Variants in INTU observed in about 807,000 individuals in gnomAD.
INTU encodes protein inturned.
A neutral mutation model predicts 100.5 loss-of-function variants in INTU; 68 were observed. The ratio of observed to expected loss-of-function variants is 0.68; its 90% confidence interval spans 0.56 to 0.83. The LOEUF is 0.83. INTU is among the 40% of genes least tolerant of loss of function. The pLI is 0.00. For missense variants in INTU, 1,071 were observed against 1,114.7 expected (o/e 0.96, Z 0.56); for synonymous variants, 357 against 395.7 (o/e 0.90, Z 1.16).
chr4:127,658,792 A>G (rs1728348799), intron 3 of INTU, among the ~76,000 whole-genome samples: 1 of 152,182 alleles, frequency 6.6e-6, no homozygotes, highest in Non-Finnish European at 1.5e-5. Context: ...AGTTCCATCC[A>G]CAATTAATCC....
intron 6 of INTU, among the ~76,000 whole-genome samples, chr4:127,682,157 G>A (rs1729595778): frequency 6.6e-6 from 1 of 152,110 alleles, no homozygotes; most frequent in Non-Finnish European, 1.5e-5. Flanking sequence ...CTGTTGGTGG[G>A]ACTGTAAACT....
chr4:127,707,022 C>T, intron 12 of INTU, 53 bp downstream of exon 12: 1 of 1,534,880 alleles, frequency 6.5e-7, no homozygotes, highest in Non-Finnish European at 8.7e-7. Flanking sequence ...TCTCTCCAGT[C>T]CTTGTTTTAT....
chr4:127,676,732 T>G (rs1234575536), intron 6 of INTU, among the ~76,000 whole-genome samples: 1 of 151,266 alleles, frequency 6.6e-6, no homozygotes, highest in African/African-American at 2.4e-5. Flanking sequence ...CACTAGGGAG[T>G]GCCAGACAGT....
intron 3 of INTU, among the ~76,000 whole-genome samples, chr4:127,660,730 A>G (rs868033301): frequency 2.4e-4 from 36 of 152,324 alleles, no homozygotes; most frequent in Middle Eastern, 3.4e-3. Context: ...AGGCTGGGCA[A>G]ACCGCACAAA....
At position 127,721,084 on chromosome 4, in the gene INTU, A is replaced by G. The variant is rs970185598; in HGVS notation, c.*4648A>G. ...TAGTGTTACTGATCTGTGTATTTCAATGTGTTTTTTGTAGCGGCTGGTAAC... is the reference window on the plus strand; with the variant it reads ...TAGTGTTACTGATCTGTGTATTTCAGTGTGTTTTTTGTAGCGGCTGGTAAC... On this transcript the variant is annotated 3_prime_UTR_variant, in exon 16 of 16. Transcript: ENST00000335251. The G allele has an allele frequency of 6.6e-6, 1 of 151,824 alleles. No individual in the cohort carries two copies. The highest frequency in any genetic ancestry group is 1.5e-5 in the Non-Finnish European group (1 of 67,978). 9.4% of individuals were successfully genotyped at this position (151,824 alleles called of 1,614,324 possible).
intron 6 of INTU, among the ~76,000 whole-genome samples, chr4:127,680,788 A>G (rs1729498301): frequency 6.6e-6 from 1 of 150,712 alleles, no homozygotes; most frequent in Non-Finnish European, 1.5e-5. Context: ...AGGGTATTCA[A>G]TTAGGAAAAG....
intron 6 of INTU, among the ~76,000 whole-genome samples, chr4:127,680,083 A>G (rs1729453183): frequency 6.6e-6 from 1 of 152,214 alleles, no homozygotes; most frequent in South Asian, 2.1e-4. Flanking sequence ...ATAGAACAAT[A>G]ACAGAATCTG....
rs188279963 is a variant in INTU, at chr4:127,700,247, T to C, written c.1503+184T>C. Among the ~76,000 whole-genome samples the C allele has an allele frequency of 9.7e-3, 1,484 of 152,290 alleles. 15 individuals carry two copies. The highest frequency in any genetic ancestry group is 0.038 in the South Asian group (182 of 4,826). On this transcript the variant is annotated intron_variant, in intron 9 of 15. Coordinates refer to ENST00000335251, the MANE Select transcript of INTU (RefSeq NM_015693.4). The stretch of plus-strand genomic sequence containing the variant: ...TTTTCTACTGAGTTTAAACAGTTGT[T>C]ACATAATGTATATTATGGGATTAAA...
rs1295931472 is a variant in INTU at position 127,721,883 on chromosome 4, T to G, written c.*5447T>G. On this transcript the variant is annotated 3_prime_UTR_variant, in exon 16 of 16. Coordinates refer to ENST00000335251, the MANE Select transcript of INTU (RefSeq NM_015693.4). Reference sequence around the variant, plus strand: ...CTCCTATAATGTTTTATTATGGTTCTTAGCTTCTTTGCAGTGAGTTAGAAC... The same window carrying G: ...CTCCTATAATGTTTTATTATGGTTCGTAGCTTCTTTGCAGTGAGTTAGAAC... 1 of 152,228 alleles carries G rather than the reference T, an allele frequency of 6.6e-6. No homozygotes were observed. The highest frequency in any genetic ancestry group is 1.5e-5 in the Non-Finnish European group (1 of 68,038). 9.4% of individuals were successfully genotyped at this position (152,228 alleles called of 1,614,324 possible). A position where few individuals can be genotyped will look rare whatever the true frequency, so the allele number is the denominator to read the frequency against.
intron 3 of INTU, among the ~76,000 whole-genome samples, chr4:127,659,491 A>G (rs1728378110): frequency 6.6e-6 from 1 of 152,208 alleles, no homozygotes; most frequent in Admixed American, 6.5e-5. Context: ...TTTCTAAAAT[A>G]AAATGTTGAT....
intron 8 of INTU, among the ~76,000 whole-genome samples, chr4:127,695,584 A>T (rs189059915): frequency 1.3e-5 from 2 of 152,314 alleles, no homozygotes; most frequent in Admixed American, 1.3e-4. Flanking sequence ...TAATATAGAA[A>T]ATTGTAATAT....
intron 6 of INTU, among the ~76,000 whole-genome samples, chr4:127,679,814 A>C (rs1301893385): frequency 6.6e-6 from 1 of 152,052 alleles, no homozygotes; most frequent in African/African-American, 2.4e-5. Context: ...TGAATCCAGG[A>C]GCTGGTTTTT....
At chr4:127,691,092 A>T (rs1417438798) in intron 8 of INTU, among the ~76,000 whole-genome samples, 1 of 152,122 alleles carries the variant, frequency 6.6e-6, no homozygotes, top group Non-Finnish European at 1.5e-5. Context: ...AATGTTATAT[A>T]GTTGTAATCA....
intron 5 of INTU, among the ~76,000 whole-genome samples, chr4:127,670,115 T>C (rs1728855907): frequency 1.3e-5 from 2 of 151,968 alleles, no homozygotes; most frequent in South Asian, 4.1e-4. Flanking sequence ...AGTTAATTTA[T>C]GGGAGGAAAA....
rs1400067494 is a variant in INTU, at chr4:127,708,455, A to G, written c.2272-116A>G. ...ACAAGTTAGCATCAAAAATATTTAA[A>G]GGAAGCATTGCAAATGGTAAGTAGT... On this transcript the variant is annotated intron_variant, in intron 12 of 15. Coordinates refer to ENST00000335251, the MANE Select transcript of INTU (RefSeq NM_015693.4). 4.9e-6 allele frequency: 3 copies of G among 608,124 alleles called. No individual in the cohort carries two copies. The African/African-American group carries it at 5.7e-5, about 11-fold the overall frequency. The allele number at this position is 608,124 out of a possible 1,614,324, so 37.7% of individuals were successfully genotyped here.
chr4:127,714,886 G>A (rs1335296418), intron 15 of INTU, among the ~76,000 whole-genome samples: 1 of 152,010 alleles, frequency 6.6e-6, no homozygotes, highest in Non-Finnish European at 1.5e-5. Flanking sequence ...GGCAAAATGT[G>A]AAACTGGTGG....
rs139830801 is a variant in INTU at position 127,704,252 on chromosome 4, C to T, written c.1528C>T (p.Arg510Trp). 16 of 1,609,798 alleles carry T rather than the reference C, an allele frequency of 9.9e-6. No homozygotes were observed. Among genetic ancestry groups the T allele is most frequent in the Admixed American group, 1.7e-5 (1 of 59,910 alleles). ...GTCCGAGGATTACTATGACATGAGG[C>T]GGCTGTATACAATTTTGGGGTCTTC... ...ELSEDYYDMR[R>W]LYTILGSSLF... The change falls in exon 10 of 16, where the codon CGG becomes TGG. Residue 510 changes from arginine to tryptophan, a missense_variant. Transcript: ENST00000335251.
intron 2 of INTU, 131 bp downstream of exon 2, chr4:127,644,187 A>G: frequency 3.1e-6 from 3 of 968,334 alleles, no homozygotes; most frequent in East Asian, 2.6e-5. Flanking sequence ...GACATTTGGT[A>G]CAGTAGAGAA....
chr4:127,636,468 C>T (rs181870883), intron 1 of INTU, among the ~76,000 whole-genome samples: 3 of 151,668 alleles, frequency 2.0e-5, no homozygotes, highest in East Asian at 1.9e-4. Context: ...AAAAATTAGC[C>T]GGGCATGGTG....
Sources: allele counts gnomAD v4.1 joint callset (sites outside exome capture counted in the v4.1 genomes callset), GRCh38; gene constraint gnomAD v4.1.1; transcripts MANE v1.5; gene names NCBI Gene and HGNC (gene_info 2026-07-23, HGNC 2026-07-21).